KALRN: variants seen among roughly 807,000 people sequenced by gnomAD.
KALRN encodes kalirin.
Under a neutral mutation model 353.7 loss-of-function variants are expected in KALRN, and 70 were observed. That is an observed-to-expected ratio of 0.20 (90% CI 0.16 to 0.24). The LOEUF is 0.24. KALRN is among the 10% of genes least tolerant of loss of function. The pLI is 1.00. For missense variants in KALRN, 2,791 were observed against 3,756.7 expected (o/e 0.74, Z 6.72); for synonymous variants, 1,391 against 1,434.8 (o/e 0.97, Z 0.69).
At chr3:124,197,073 C>G (rs1214293775) in intron 1 of KALRN, among the ~76,000 whole-genome samples, 1 of 152,198 alleles carries the variant, frequency 6.6e-6, no homozygotes, top group Non-Finnish European at 1.5e-5. Flanking sequence ...TTTCACTACT[C>G]TCTTAGTGTT....
rs760720956 is a variant in KALRN, at chr3:124,446,769, G to T, written c.3436G>T (p.Asp1146Tyr). 1 of 1,614,094 alleles carries T rather than the reference G, an allele frequency of 6.2e-7. No homozygotes were observed. Among genetic ancestry groups the T allele is most frequent in the South Asian group, 1.1e-5 (1 of 91,056 alleles). The part of the protein sequence containing the change: ...VFERSAKQAL[D>Y]WIQETGEFYL... ...GAGTTGTTTCCTCCCATAGGCGCTT[G>T]ACTGGATCCAAGAAACAGGTGAATT... Residue 1146 changes from aspartate to tyrosine, a missense_variant, in exon 21 of 60, where the codon GAC becomes TAC. Coordinates refer to ENST00000682506, the MANE Select transcript of KALRN (RefSeq NM_001388419.1).
At position 124,616,965 on chromosome 3, in the gene KALRN, CAA is replaced by C. The variant is rs10707283; in HGVS notation, c.5183-15439_5183-15438del. Among the ~76,000 whole-genome samples, 335 of 125,562 alleles carry C rather than the reference CAA, an allele frequency of 2.7e-3. 1 individual carries two copies. The highest frequency in any genetic ancestry group is 4.5e-3 in the African/African-American group (152 of 33,694). 82.4% of individuals were successfully genotyped at this position (125,562 alleles called of 152,430 possible). A position where few individuals can be genotyped will look rare whatever the true frequency, so the allele number is the denominator to read the frequency against. ...GGGTGACAGAGTAAGACTCCATCTC[CAA>C]AAAAAAAAAAAAAAAGTTATATTGC... On this transcript the variant is annotated intron_variant, in intron 34 of 59. Coordinates refer to ENST00000682506, the MANE Select transcript of KALRN (RefSeq NM_001388419.1).
chr3:124,329,607 G>T (rs1487008460), intron 7 of KALRN, among the ~76,000 whole-genome samples: 2 of 152,166 alleles, frequency 1.3e-5, no homozygotes, highest in African/African-American at 2.4e-5. Context: ...AACATCTGAT[G>T]ATTCACCTGC....
At chr3:124,607,679 C>G (rs1226221582) in intron 34 of KALRN, among the ~76,000 whole-genome samples, 1 of 150,174 alleles carries the variant, frequency 6.7e-6, no homozygotes, top group Non-Finnish European at 1.5e-5. Flanking sequence ...TGCAGTGGCA[C>G]AATCTCGGAT....
intron 25 of KALRN, among the ~76,000 whole-genome samples, chr3:124,464,931 C>G (rs891747573): frequency 6.6e-6 from 1 of 151,706 alleles, no homozygotes; most frequent in Non-Finnish European, 1.5e-5. Context: ...TGTATCCCAC[C>G]ATAGGGCCCA....
intron 57 of KALRN, among the ~76,000 whole-genome samples, chr3:124,707,490 C>CTT (rs910771898): frequency 4.8e-5 from 7 of 145,090 alleles, no homozygotes; most frequent in African/African-American, 1.8e-4. Context: ...TCCTTCCTAC[C>CTT]TTTTTTCTTC....
intron 25 of KALRN, among the ~76,000 whole-genome samples, chr3:124,471,254 G>GA (rs1296875700): frequency 2.4e-5 from 3 of 127,474 alleles, no homozygotes; most frequent in African/African-American, 9.2e-5. Context: ...CCCCCACAAA[G>GA]TTTTATTATT....
At chr3:124,153,739 G>A (rs1222551265) in intron 1 of KALRN, among the ~76,000 whole-genome samples, 1 of 151,778 alleles carries the variant, frequency 6.6e-6, no homozygotes, top group East Asian at 1.9e-4. Flanking sequence ...CACCAACAGT[G>A]TAAAAGTGTT....
intron 1 of KALRN, among the ~76,000 whole-genome samples, chr3:124,196,898 GTGCTATCATTATGCT>G (rs57954642): frequency 0.065 from 9,884 of 152,196 alleles, 382 homozygotes; most frequent in Non-Finnish European, 0.095. Flanking sequence ...TAGGAGGCAG[GTGCTATCATTATGCT>G]CATTTACAGA....
chr3:124,053,013 G>A (rs769492865), intron 1 of KALRN, among the ~76,000 whole-genome samples: 25 of 152,068 alleles, frequency 1.6e-4, no homozygotes, highest in Non-Finnish European at 3.4e-4. Flanking sequence ...ATTTTCTCAG[G>A]AGTTGGATTT....
intron 1 of KALRN, among the ~76,000 whole-genome samples, chr3:124,048,724 C>T (rs897975691): frequency 6.6e-5 from 10 of 152,278 alleles, no homozygotes; most frequent in East Asian, 5.8e-4. Flanking sequence ...TCTCGTGATC[C>T]GCCTGCCTTG....
intron 47 of KALRN, 123 bp downstream of exon 47, chr3:124,667,306 T>C (rs1213745298): frequency 8.5e-6 from 7 of 827,570 alleles, no homozygotes. Context: ...TACTCCAACT[T>C]TGTAGTTTTC....
intron 1 of KALRN, chr3:124,152,773 T>A (rs1014497834): frequency 3.2e-6 from 1 of 309,126 alleles, no homozygotes; most frequent in Non-Finnish European, 5.9e-6. Context: ...TTTGTAGTTT[T>A]TGTTTGTTTG....
intron 34 of KALRN, among the ~76,000 whole-genome samples, chr3:124,595,660 T>C (rs2076200789): frequency 6.6e-6 from 1 of 152,182 alleles, no homozygotes; most frequent in Non-Finnish European, 1.5e-5. Flanking sequence ...GTGTCTGGAA[T>C]TACAAGAACT....
At chr3:124,192,928 A>C (rs988804518) in intron 1 of KALRN, among the ~76,000 whole-genome samples, 49 of 152,368 alleles carry the variant, frequency 3.2e-4, no homozygotes, top group African/African-American at 1.1e-3. Flanking sequence ...CACTGATACC[A>C]TGAGTTAACT....
chr3:124,069,621 C>T (rs1348172357), intron 1 of KALRN, among the ~76,000 whole-genome samples: 1 of 152,168 alleles, frequency 6.6e-6, no homozygotes, highest in East Asian at 1.9e-4. Context: ...TAAGAGAGTC[C>T]TTCATTGTGC....
chr3:124,656,540 G>T (rs962967728), intron 39 of KALRN, among the ~76,000 whole-genome samples: 1 of 152,248 alleles, frequency 6.6e-6, no homozygotes, highest in Non-Finnish European at 1.5e-5. Flanking sequence ...GAACCTGGGA[G>T]GCGGAGCTTG....
chr3:124,549,425 G>T (rs992878078), intron 33 of KALRN, among the ~76,000 whole-genome samples: 6 of 150,262 alleles, frequency 4.0e-5, no homozygotes, highest in South Asian at 4.2e-4. Flanking sequence ...ACACATACAC[G>T]GGTCCTTCTG....
chr3:124,262,890 A>G, intron 3 of KALRN, among the ~76,000 whole-genome samples: 1 of 152,230 alleles, frequency 6.6e-6, no homozygotes, highest in Non-Finnish European at 1.5e-5. Context: ...AGTCTGGGAA[A>G]TGGGAAATTA....
Sources: gnomAD v4.1 joint callset for allele counts (sites outside exome capture counted in the v4.1 genomes callset) on GRCh38, gnomAD v4.1.1 for gene constraint, MANE v1.5 for transcripts, NCBI Gene and HGNC (gene_info 2026-07-23, HGNC 2026-07-21) for gene names.